FRYL: variants seen among roughly 807,000 people sequenced by gnomAD.
FRYL encodes the protein FRY like transcription coactivator.
Under a neutral mutation model 351.2 loss-of-function variants are expected in FRYL, and 150 were observed. That is an observed-to-expected ratio of 0.43 (90% CI 0.37 to 0.49). FRYL has a LOEUF of 0.49. FRYL is among the 20% of genes least tolerant of loss of function. The probability of loss-of-function intolerance (pLI) is 0.00; values close to 1 mark genes in which losing one functional copy is unlikely to be tolerated. For synonymous variants in FRYL, 1,153 were observed against 1,257.1 expected, an observed-to-expected ratio of 0.92 and a Z score of 1.75; for missense variants, 3,036 against 3,619.3, an observed-to-expected ratio of 0.84 and a Z score of 4.13.
chr4:48,697,444 T>C (rs907176704), intron 2 of FRYL, among the ~76,000 whole-genome samples: 9 of 152,214 alleles, frequency 5.9e-5, no homozygotes, highest in African/African-American at 2.2e-4. Context: ...TTCTCACCTT[T>C]CTTGGATTTC....
intron 62 of FRYL, 53 bp from the exon 63 acceptor site, chr4:48,500,273 TTTAGTTG>T: frequency 8.8e-7 from 1 of 1,138,520 alleles, no homozygotes; most frequent in Non-Finnish European, 1.2e-6. Flanking sequence ...AACAAAAACA[TTTAGTTG>T]GCTACAAGAA....
chr4:48,627,152 ACT>A (rs969397759), intron 4 of FRYL, among the ~76,000 whole-genome samples: 21 of 152,292 alleles, frequency 1.4e-4, no homozygotes, highest in African/African-American at 4.6e-4. Flanking sequence ...CCTGTAGAAC[ACT>A]GTTTCTAAAA....
rs753713100 is a variant in FRYL, at chr4:48,540,667, G to C, written c.5981C>G (p.Thr1994Ser). The stretch of plus-strand genomic sequence containing the variant: ...GGTGGCCATCAAGTTGGTAGGCTCA[G>C]TAGTGGACTGCACGTCATACATTCC... ...EKGMYDVQST[T>S]EPTNLMATIF... The change falls in exon 46 of 64, where the codon ACT becomes AGT. Residue 1994 changes from threonine to serine, a missense_variant. Thr to Ser is a moderately conservative substitution (Grantham distance 58). This residue lies in a region of FRYL where 1,987 missense variants were observed against 2,311.7 expected (regional missense o/e 0.86). Transcript: ENST00000358350. 1 of 1,613,976 alleles carries C rather than the reference G, an allele frequency of 6.2e-7. No individual in the cohort carries two copies. The highest frequency in any genetic ancestry group is 8.5e-7 in the Non-Finnish European group (1 of 1,179,900).
chr4:48,564,114 T>C lies in FRYL; in HGVS notation c.3442-12A>G, dbSNP rs1560614281. 1 of 1,612,124 alleles carries C rather than the reference T, an allele frequency of 6.2e-7. No homozygotes were observed. Among genetic ancestry groups the C allele is most frequent in the Non-Finnish European group, 8.5e-7 (1 of 1,179,438 alleles). On this transcript the variant is annotated splice_polypyrimidine_tract_variant and intron_variant, in intron 30 of 63. Transcript: ENST00000358350. ...CCCAGCTGGTGAACCTAGGTAAAGG[T>C]TGTGAAATTGCCCGAGAGAGAACGT...
rs187569490 is a variant in FRYL, at chr4:48,512,242, C to T, written c.8145+239G>A. Among the ~76,000 whole-genome samples the T allele has an allele frequency of 3.9e-4, 60 of 152,148 alleles. No individual in the cohort carries two copies. The South Asian group carries it at 5.8e-3, about 15-fold the overall frequency. On this transcript the variant is annotated intron_variant, in intron 57 of 63. Transcript: ENST00000358350. ...AGCATACTGCAGAAAACATATCAGA[C>T]GTTGTTTTGAAGTTTTATTCTAATT... is the stretch of plus-strand genomic sequence containing the variant.
At chr4:48,747,844 AT>A (rs1219329302) in intron 1 of FRYL, among the ~76,000 whole-genome samples, 2 of 152,246 alleles carry the variant, frequency 1.3e-5, no homozygotes, top group African/African-American at 4.8e-5. Flanking sequence ...AAATTTACTC[AT>A]AAATTCCATG....
At chr4:48,645,336 G>A (rs184183926) in intron 3 of FRYL, among the ~76,000 whole-genome samples, 24 of 151,708 alleles carry the variant, frequency 1.6e-4, no homozygotes, top group African/African-American at 2.7e-4. Flanking sequence ...AAATTTCTTC[G>A]ATCTTCAGGC....
intron 59 of FRYL, among the ~76,000 whole-genome samples, chr4:48,509,739 T>A (rs1358044370): frequency 6.6e-6 from 1 of 152,170 alleles, no homozygotes; most frequent in Admixed American, 6.5e-5. Context: ...GGTTGTGGAT[T>A]TCCTAGACCA....
intron 4 of FRYL, among the ~76,000 whole-genome samples, chr4:48,629,958 T>C (rs571626931): frequency 2.0e-5 from 3 of 152,204 alleles, no homozygotes; most frequent in African/African-American, 7.2e-5. Context: ...AATACAATGA[T>C]GCTGACTGGG....
At chr4:48,605,616 G>A (rs758319408) in intron 11 of FRYL, 125 bp downstream of exon 11, 5 of 671,252 alleles carry the variant, frequency 7.4e-6, no homozygotes, top group Admixed American at 3.1e-5. Flanking sequence ...GAGCAAATGA[G>A]ACGAGCCTTC....
chr4:48,590,900 T>A, intron 16 of FRYL, 70 bp from the exon 17 acceptor site: 1 of 1,198,768 alleles, frequency 8.3e-7, no homozygotes, highest in Non-Finnish European at 1.2e-6. Context: ...GTTAGAAATA[T>A]TTCATCAGTA....
chr4:48,690,600 T>C (rs1386791557), intron 2 of FRYL, among the ~76,000 whole-genome samples: 1 of 152,188 alleles, frequency 6.6e-6, no homozygotes, highest in Non-Finnish European at 1.5e-5. Flanking sequence ...AATTAATTCA[T>C]CCAAAATTTT....
chr4:48,771,473 G>A (rs1021749265), intron 1 of FRYL, among the ~76,000 whole-genome samples: 3 of 152,162 alleles, frequency 2.0e-5, no homozygotes, highest in African/African-American at 7.2e-5. Context: ...TTAGGGTTTT[G>A]ATGGTTCTTA....
chr4:48,729,755 A>G (rs1318867054), intron 1 of FRYL, among the ~76,000 whole-genome samples: 2 of 152,218 alleles, frequency 1.3e-5, no homozygotes, highest in Non-Finnish European at 2.9e-5. Flanking sequence ...ATCAAAGACC[A>G]AAGGTAGATA....
intron 3 of FRYL, among the ~76,000 whole-genome samples, chr4:48,655,778 C>A (rs1758751412): frequency 7.0e-6 from 1 of 143,010 alleles, no homozygotes; most frequent in African/African-American, 2.5e-5. Context: ...GTAATACATT[C>A]TGTATTATAT....
chr4:48,736,771 A>C (rs1771457064), intron 1 of FRYL, among the ~76,000 whole-genome samples: 1 of 145,546 alleles, frequency 6.9e-6, no homozygotes, highest in Non-Finnish European at 1.5e-5. Context: ...AATCGCTTGT[A>C]CCTAGGAGGC....
At chr4:48,504,355 C>G (rs559765174) in intron 60 of FRYL, among the ~76,000 whole-genome samples, 2 of 152,108 alleles carry the variant, frequency 1.3e-5, no homozygotes, top group African/African-American at 4.8e-5. Flanking sequence ...AAACCTCAAG[C>G]TATGTTAACT....
At chr4:48,736,850 G>GAAAAAAAAAAA (rs368006420) in intron 1 of FRYL, among the ~76,000 whole-genome samples, 1 of 40,610 alleles carries the variant, frequency 2.5e-5, no homozygotes, top group Non-Finnish European at 4.4e-5. Flanking sequence ...ACTCTGTCTC[G>GAAAAAAAAAAA]AAAAAAAAAA....
chr4:48,718,947 T>C (rs1048697288), intron 1 of FRYL, among the ~76,000 whole-genome samples: 2 of 151,444 alleles, frequency 1.3e-5, no homozygotes, highest in African/African-American at 4.8e-5. Context: ...ACCTCTCAAC[T>C]TACTCCTGAA....
Sources: gnomAD v4.1 joint callset for allele counts (sites outside exome capture counted in the v4.1 genomes callset) on GRCh38, gnomAD v4.1.1 for gene constraint, gnomAD v4.1.1 regional missense constraint, MANE v1.5 for transcripts, NCBI Gene and HGNC (gene_info 2026-07-23, HGNC 2026-07-21) for gene names.